KDM7A: variants seen among roughly 807,000 people sequenced by gnomAD.
KDM7A encodes lysine-specific demethylase 7A.
Under a neutral mutation model 114.8 loss-of-function variants are expected in KDM7A, and 28 were observed. That is an observed-to-expected ratio of 0.24 (90% CI 0.18 to 0.33). KDM7A has a LOEUF of 0.33. Among genes scored for constraint, KDM7A ranks in the 10% least tolerant of loss-of-function variants. KDM7A has a pLI of 1.00. For synonymous variants in KDM7A, 423 were observed against 397.8 expected (o/e 1.06, Z -0.75); for missense variants, 942 against 1,142.5 (o/e 0.82, Z 2.53).
intron 9 of KDM7A, among the ~76,000 whole-genome samples, chr7:140,115,281 C>A (rs1012234465): frequency 1.3e-5 from 2 of 152,228 alleles, no homozygotes. Context: ...GCCGCCACCC[C>A]GTCTGGGAGG....
At chr7:140,153,968 G>A (rs1330460140) in intron 1 of KDM7A, among the ~76,000 whole-genome samples, 1 of 152,280 alleles carries the variant, frequency 6.6e-6, no homozygotes, top group South Asian at 2.1e-4. Context: ...TCCTGTCTGC[G>A]TGTAAACTGA....
intron 11 of KDM7A, among the ~76,000 whole-genome samples, chr7:140,104,927 G>A (rs1585141607): frequency 2.0e-5 from 3 of 152,288 alleles, no homozygotes; most frequent in Middle Eastern, 3.4e-3. Flanking sequence ...CATGAGCATG[G>A]AATGTTCTTC....
At position 140,090,775 on chromosome 7, in the gene KDM7A, T is replaced by C. The variant is rs1194882819; in HGVS notation, c.*319A>G. ...ATCTGTTAAATAAATTATTGATAAT[T>C]CTTTACCCTACCACTGAAAATACAT... On this transcript the variant is annotated 3_prime_UTR_variant, in exon 20 of 20. Coordinates refer to ENST00000397560, the MANE Select transcript of KDM7A (RefSeq NM_030647.2). 2 of 290,846 alleles carry C rather than the reference T, an allele frequency of 6.9e-6. No individual in the cohort carries two copies. Among genetic ancestry groups the C allele is most frequent in the African/African-American group, 4.3e-5 (2 of 46,276 alleles). The allele number at this position is 290,846 out of a possible 1,614,324, so 18.0% of individuals were successfully genotyped here. A position where few individuals can be genotyped will look rare whatever the true frequency, so the allele number is the denominator to read the frequency against.
rs1562945966 is a variant in KDM7A at position 140,100,689 on chromosome 7, C to CACATAT, written c.1639-667_1639-666insATATGT. Among the ~76,000 whole-genome samples the CACATAT allele has an allele frequency of 2.2e-3, 117 of 53,972 alleles. 2 individuals are homozygous for CACATAT. Among genetic ancestry groups the CACATAT allele is most frequent in the East Asian group, 5.7e-3 (10 of 1,754 alleles). 35.4% of individuals were successfully genotyped at this position (53,972 alleles called of 152,430 possible). A position where few individuals can be genotyped will look rare whatever the true frequency, so the allele number is the denominator to read the frequency against. On this transcript the variant is annotated intron_variant, in intron 12 of 19. Coordinates refer to ENST00000397560, the MANE Select transcript of KDM7A (RefSeq NM_030647.2). ...ATATATATATATATATACATATATA[C>CACATAT]ATATATATATATATATATACACATA...
chr7:140,161,780 G>A (rs1271851231), intron 1 of KDM7A, among the ~76,000 whole-genome samples: 4 of 151,692 alleles, frequency 2.6e-5, no homozygotes, highest in African/African-American at 7.3e-5. Flanking sequence ...TCCTGACCTC[G>A]TGATCCGCCC....
intron 7 of KDM7A, among the ~76,000 whole-genome samples, chr7:140,123,621 T>C (rs1028242488): frequency 6.6e-6 from 1 of 152,188 alleles, no homozygotes; most frequent in Non-Finnish European, 1.5e-5. Flanking sequence ...TCAGTAAGCA[T>C]TTCCTTTTGA....
chr7:140,160,848 C>T (rs929163839), intron 1 of KDM7A, among the ~76,000 whole-genome samples: 4 of 152,126 alleles, frequency 2.6e-5, no homozygotes, highest in Non-Finnish European at 5.9e-5. Flanking sequence ...GACTACTTGG[C>T]ATTTGGATGG....
In KDM7A at chr7:140,085,467, A is replaced by C. The variant is rs559053318; in HGVS notation, c.*5627T>G. 12 of 152,294 alleles carry C rather than the reference A, an allele frequency of 7.9e-5. No individual in the cohort carries two copies. The highest frequency in any genetic ancestry group is 2.9e-4 in the African/African-American group (12 of 41,536). 9.4% of individuals were successfully genotyped at this position (152,294 alleles called of 1,614,324 possible). A position where few individuals can be genotyped will look rare whatever the true frequency, so the allele number is the denominator to read the frequency against. ...GTAAATGTGAAAGTTCATATTATAT[A>C]ATCTCTTAAAATGAACCTTTTCACC... On this transcript the variant is annotated 3_prime_UTR_variant, in exon 20 of 20. Coordinates refer to ENST00000397560, the MANE Select transcript of KDM7A (RefSeq NM_030647.2).
Position 140,091,056 on chromosome 7 carries a change from G to A in KDM7A, c.*38C>T. ...CTCCAGGCTCCTGCACCCCTAGACT[G>A]GTCTCCAAAGGGAAGAATGGCTGCA... is the stretch of plus-strand genomic sequence containing the variant. On this transcript the variant is annotated 3_prime_UTR_variant, in exon 20 of 20. Coordinates refer to ENST00000397560, the MANE Select transcript of KDM7A (RefSeq NM_030647.2). 6.8e-7 allele frequency: 1 copy of A among 1,467,598 alleles called. No individual in the cohort carries two copies. The highest frequency in any genetic ancestry group is 9.6e-7 in the Non-Finnish European group (1 of 1,046,146). The allele number at this position is 1,467,598 out of a possible 1,614,324, so 90.9% of individuals were successfully genotyped here. A position where few individuals can be genotyped will look rare whatever the true frequency, so the allele number is the denominator to read the frequency against.
At chr7:140,161,065 G>A (rs1794513564) in intron 1 of KDM7A, among the ~76,000 whole-genome samples, 1 of 152,106 alleles carries the variant, frequency 6.6e-6, no homozygotes, top group Non-Finnish European at 1.5e-5. Flanking sequence ...ATGTAAGAGA[G>A]GAATATGAAT....
chr7:140,099,838 A>C lies in KDM7A; in HGVS notation c.1763+61T>G, dbSNP rs1818173897. ...AGAAAGGTTGAGGACCACTGGGTTA[A>C]ATGAACAAAGGGAACCCAATGAAAA... On this transcript the variant is annotated intron_variant, in intron 13 of 19. Transcript: ENST00000397560. 5 of 1,521,350 alleles carry C rather than the reference A, an allele frequency of 3.3e-6. No individual in the cohort carries two copies. The Admixed American group carries it at 6.7e-5, about 20-fold the overall frequency. 94.2% of individuals were successfully genotyped at this position (1,521,350 alleles called of 1,614,324 possible).
At chr7:140,103,063 C>T (rs1278692692) in intron 11 of KDM7A, among the ~76,000 whole-genome samples, 4 of 151,980 alleles carry the variant, frequency 2.6e-5, no homozygotes, top group East Asian at 3.9e-4. Context: ...CCATCCATCT[C>T]GAGAAGCTTC....
intron 1 of KDM7A, among the ~76,000 whole-genome samples, chr7:140,161,535 C>T (rs550856034): frequency 1.3e-5 from 2 of 151,638 alleles, no homozygotes; most frequent in East Asian, 1.9e-4. Context: ...TTTGTTTTTT[C>T]GTTTTTTTGT....
At chr7:140,159,725 G>A (rs1385835068) in intron 1 of KDM7A, among the ~76,000 whole-genome samples, 3 of 152,138 alleles carry the variant, frequency 2.0e-5, no homozygotes, top group Non-Finnish European at 4.4e-5. Context: ...CAGTAAAATA[G>A]GGAGGAATCA....
chr7:140,125,392 T>A (rs1818682778), intron 6 of KDM7A, among the ~76,000 whole-genome samples: 1 of 152,232 alleles, frequency 6.6e-6, no homozygotes, highest in Non-Finnish European at 1.5e-5. Context: ...ACAGTAGCCA[T>A]TAGCCACATG....
At chr7:140,120,781 T>C in intron 7 of KDM7A, among the ~76,000 whole-genome samples, 1 of 152,338 alleles carries the variant, frequency 6.6e-6, no homozygotes, top group Admixed American at 6.5e-5. Context: ...TTTTTTTCTT[T>C]TTAAAAATAG....
At chr7:140,115,912 A>T (rs1468249130) in intron 9 of KDM7A, among the ~76,000 whole-genome samples, 5 of 150,792 alleles carry the variant, frequency 3.3e-5, no homozygotes, top group Non-Finnish European at 7.4e-5. Flanking sequence ...AAAGGCTTAT[A>T]CACATATGAA....
chr7:140,100,450 C>G (rs1477307628), intron 12 of KDM7A, among the ~76,000 whole-genome samples: 1 of 151,836 alleles, frequency 6.6e-6, no homozygotes, highest in East Asian at 1.9e-4. Flanking sequence ...GCTCACCACA[C>G]TGCTACCACT....
rs752243227 is a variant in KDM7A at position 140,097,019 on chromosome 7, T to G, written c.2045A>C (p.Glu682Ala). 1 of 1,612,334 alleles carries G rather than the reference T, an allele frequency of 6.2e-7. No individual in the cohort carries two copies. Among genetic ancestry groups the G allele is most frequent in the Non-Finnish European group, 8.5e-7 (1 of 1,178,630 alleles). ...TTGTTTCTTTTCATCACCTGAACTTTCAGACTCTTCAGTGGTAAAGATACT... is the reference window on the plus strand; with the variant it reads ...TTGTTTCTTTTCATCACCTGAACTTGCAGACTCTTCAGTGGTAAAGATACT... ...LKSIFTTEES[E>A]SSGDEKKQEI... is the part of the protein sequence containing the mutation. Residue 682 changes from glutamate (E) to alanine (A), a missense_variant, in exon 16 of 20, where the codon GAA becomes GCA. By Grantham distance (107) the Glu-to-Ala change is moderately radical. This residue lies in a region of KDM7A where 512 missense variants were observed against 576.6 expected (regional missense o/e 0.89). Transcript: ENST00000397560.
Sources: allele counts gnomAD v4.1 joint callset (sites outside exome capture counted in the v4.1 genomes callset), GRCh38; gene constraint gnomAD v4.1.1; regional missense constraint gnomAD v4.1.1; transcripts MANE v1.5; gene names NCBI Gene and HGNC (gene_info 2026-07-23, HGNC 2026-07-21).